Variants in TEX15 observed in about 807,000 individuals in gnomAD.
The protein encoded by TEX15 is testis expressed 15, meiosis and synapsis associated, also known as testis-expressed protein 15.
In TEX15, 171 loss-of-function variants were observed where a neutral mutation model predicts 237.3. That is an observed-to-expected ratio of 0.72 (90% CI 0.64 to 0.82). TEX15 has a LOEUF of 0.82. TEX15 is among the 40% of genes least tolerant of loss of function. TEX15 has a pLI of 0.00. For synonymous variants in TEX15, 1,338 were observed against 1,269.8 expected (o/e 1.05, Z -1.14); for missense variants, 3,750 against 3,646.5 (o/e 1.03, Z -0.73).
At chr8:30,892,889 C>T (rs1349150903) in intron 2 of TEX15, among the ~76,000 whole-genome samples, 2 of 151,886 alleles carry the variant, frequency 1.3e-5, no homozygotes, top group Non-Finnish European at 2.9e-5. Flanking sequence ...AAAAATTAGC[C>T]GGGCGTGGTT....
intron 10 of TEX15, among the ~76,000 whole-genome samples, chr8:30,833,635 G>A (rs2343694): frequency 0.2 from 30,088 of 151,960 alleles, 3,876 homozygotes; most frequent in African/African-American, 0.35. Flanking sequence ...CCATTTTCTG[G>A]TGTTGAATAC....
intron 8 of TEX15, among the ~76,000 whole-genome samples, 176 bp downstream of exon 8, chr8:30,841,828 G>T (rs1807461335): frequency 6.6e-6 from 1 of 152,098 alleles, no homozygotes; most frequent in South Asian, 2.1e-4. Context: ...TATAATTTAT[G>T]TATCATTTTA....
intron 6 of TEX15, 95 bp downstream of exon 6, chr8:30,859,816 A>T: frequency 1.0e-6 from 1 of 964,248 alleles, no homozygotes; most frequent in Non-Finnish European, 1.4e-6. Flanking sequence ...TGAACGAATT[A>T]AGAGATTTTC....
chr8:30,894,679 C>A (rs1455806887), intron 2 of TEX15, among the ~76,000 whole-genome samples: 1 of 152,136 alleles, frequency 6.6e-6, no homozygotes, highest in Non-Finnish European at 1.5e-5. Flanking sequence ...AAGTTGGATT[C>A]TTACTTTAAA....
At chr8:30,863,385 G>GT (rs1808092345) in intron 5 of TEX15, among the ~76,000 whole-genome samples, 1 of 152,150 alleles carries the variant, frequency 6.6e-6, no homozygotes, top group Non-Finnish European at 1.5e-5. Context: ...TGTGCCCCAT[G>GT]ACAGGCAGCT....
At chr8:30,876,066 T>TTGAGC (rs1189165125) in intron 3 of TEX15, among the ~76,000 whole-genome samples, 4 of 152,118 alleles carry the variant, frequency 2.6e-5, no homozygotes, top group Non-Finnish European at 5.9e-5. Flanking sequence ...CTCTCCAACC[T>TTGAGC]TGGCCTCCCA....
At chr8:30,912,268 C>G (rs1230374957) in intron 1 of TEX15, among the ~76,000 whole-genome samples, 1 of 152,076 alleles carries the variant, frequency 6.6e-6, no homozygotes, top group African/African-American at 2.4e-5. Context: ...CGGCGTTCCC[C>G]GCCCTAGCGC....
intron 1 of TEX15, among the ~76,000 whole-genome samples, chr8:30,903,655 T>A (rs753794074): frequency 2.4e-4 from 36 of 152,220 alleles, no homozygotes; most frequent in Non-Finnish European, 4.4e-4. Flanking sequence ...CTGGATTACC[T>A]ATCCTTCTAC....
intron 1 of TEX15, among the ~76,000 whole-genome samples, chr8:30,906,192 C>T (rs1166536825): frequency 1.3e-5 from 2 of 152,128 alleles, no homozygotes; most frequent in South Asian, 4.2e-4. Flanking sequence ...TATTTTAATC[C>T]TCACAGTTTA....
In TEX15 at chr8:30,848,117, T is replaced by A. The variant is rs759057930; in HGVS notation, c.2050A>T (p.Ile684Phe). 16 of 1,609,458 alleles carry A rather than the reference T, an allele frequency of 9.9e-6. No individual in the cohort carries two copies. The highest frequency in any genetic ancestry group is 1.4e-5 in the Non-Finnish European group (16 of 1,177,856). ...SFGKSCDKIL[I>F]TQELEITKSS... ...TTTGTTATTTCTAACTCTTGAGTAATTAATATTTTATCACAGCTTTTCCCA... is the reference window on the plus strand; with the variant it reads ...TTTGTTATTTCTAACTCTTGAGTAAATAATATTTTATCACAGCTTTTCCCA... The change falls in exon 8 of 11, where the codon ATT becomes TTT. Residue 684 changes from isoleucine to phenylalanine, a missense_variant. By Grantham distance (21) the Ile-to-Phe change is conservative (BLOSUM62 0). Transcript: ENST00000643185.
At chr8:30,908,788 T>C (rs1809160317) in intron 1 of TEX15, among the ~76,000 whole-genome samples, 1 of 152,222 alleles carries the variant, frequency 6.6e-6, no homozygotes. Context: ...TTAAAGAATC[T>C]GATGAAGTCA....
rs1807504722 is a variant in TEX15, at chr8:30,843,207, T to C, written c.6960A>G (p.Lys2320=). 3 of 1,613,516 alleles carry C rather than the reference T, an allele frequency of 1.9e-6. No individual in the cohort carries two copies. The highest frequency in any genetic ancestry group is 2.5e-6 in the Non-Finnish European group (3 of 1,179,652). The part of the protein sequence containing the change: ...KLQKIYDTLS[K]DLNNEPISPI... ...GGGAAATTGGTTCATTGTTTAAATC[T>C]TTAGACAAAGTATCATATATCTTCT... Residue 2320 remains lysine (K), a synonymous_variant, in exon 8 of 11, where the codon AAA becomes AAG. Coordinates refer to ENST00000643185, the MANE Select transcript of TEX15 (RefSeq NM_001350162.2).
In TEX15 at chr8:30,845,114, T is replaced by C. The variant is rs770011048; in HGVS notation, c.5053A>G (p.Thr1685Ala). The change falls in exon 8 of 11, where the codon ACA (threonine) becomes GCA (alanine). Residue 1685 changes from threonine to alanine, a missense_variant. Coordinates refer to ENST00000643185, the MANE Select transcript of TEX15 (RefSeq NM_001350162.2). ...DCKRNLEVKW[T>A]DPIERPKQNI... ...TGTTTGGGTCTCTCAATAGGATCTGTCCACTTTACTTCCAGGTTTCTTTTA... is the reference window on the plus strand; with the variant it reads ...TGTTTGGGTCTCTCAATAGGATCTGCCCACTTTACTTCCAGGTTTCTTTTA... 8.7e-6 allele frequency: 14 copies of C among 1,613,402 alleles called. No individual in the cohort carries two copies. Among genetic ancestry groups the C allele is most frequent in the African/African-American group, 2.7e-5 (2 of 74,906 alleles).
At chr8:30,869,654 A>G (rs1274780073) in intron 4 of TEX15, among the ~76,000 whole-genome samples, 2 of 151,760 alleles carry the variant, frequency 1.3e-5, no homozygotes, top group African/African-American at 2.4e-5. Context: ...CCACCCCCAA[A>G]CCATTTCTAA....
At position 30,845,502 on chromosome 8, in the gene TEX15, T is replaced by A. The variant is rs115950103; in HGVS notation, c.4665A>T (p.Ala1555=). 4 of 1,613,460 alleles carry A rather than the reference T, an allele frequency of 2.5e-6. No homozygotes were observed. The African/African-American group carries it at 4.0e-5, about 16-fold the overall frequency. The change falls in exon 8 of 11, where the codon GCA becomes GCT. Residue 1555 remains alanine, a synonymous_variant. Coordinates refer to ENST00000643185, the MANE Select transcript of TEX15 (RefSeq NM_001350162.2). ...EEHQPFSGKT[A]YLFSPDHSDE... is the part of the protein sequence containing the mutation. ...CTGAGTGGTCTGGGGAAAACAGATA[T>A]GCAGTTTTTCCAGAAAAGGGCTGAT...
chr8:30,894,052 G>A (rs1808846906), intron 2 of TEX15, among the ~76,000 whole-genome samples: 1 of 151,934 alleles, frequency 6.6e-6, no homozygotes, highest in African/African-American at 2.4e-5. Flanking sequence ...TCTGCTTCTA[G>A]TCCATTGAGT....
At chr8:30,838,440 A>G (rs1807360832) in intron 9 of TEX15, among the ~76,000 whole-genome samples, 1 of 152,038 alleles carries the variant, frequency 6.6e-6, no homozygotes, top group Admixed American at 6.6e-5. Context: ...ATAGCTATAA[A>G]TAACTGGTAA....
At chr8:30,871,902 G>A (rs1390831422) in intron 4 of TEX15, among the ~76,000 whole-genome samples, 1 of 152,116 alleles carries the variant, frequency 6.6e-6, no homozygotes, top group East Asian at 1.9e-4. Flanking sequence ...AAATACAATG[G>A]TGGAGGAAAA....
chr8:30,881,263 A>G (rs1034217126), intron 3 of TEX15, among the ~76,000 whole-genome samples: 6 of 151,998 alleles, frequency 3.9e-5, no homozygotes, highest in African/African-American at 1.5e-4. Flanking sequence ...TCATATTATT[A>G]TTCTCTCAAT....
Sources: gnomAD v4.1 joint callset for allele counts (sites outside exome capture counted in the v4.1 genomes callset) on GRCh38, gnomAD v4.1.1 for gene constraint, MANE v1.5 for transcripts, NCBI Gene and HGNC (gene_info 2026-07-23, HGNC 2026-07-21) for gene names.